ATP1B3: variants seen among roughly 807,000 people sequenced by gnomAD.
ATP1B3 encodes sodium/potassium-transporting ATPase subunit beta-3.
Under a neutral mutation model 30.2 loss-of-function variants are expected in ATP1B3, and 10 were observed. That is an observed-to-expected ratio of 0.33 (90% CI 0.20 to 0.56). The LOEUF is 0.56. ATP1B3 is among the 20% of genes least tolerant of loss of function. The probability of loss-of-function intolerance (pLI) is 0.90; values close to 1 mark genes in which losing one functional copy is unlikely to be tolerated. For synonymous variants in ATP1B3, 113 were observed against 117.0 expected, an observed-to-expected ratio of 0.97 and a Z score of 0.22; for missense variants, 238 against 336.7, an observed-to-expected ratio of 0.71 and a Z score of 2.29.
At chr3:141,912,605 T>C (rs903865034) in intron 3 of ATP1B3, among the ~76,000 whole-genome samples, 2 of 152,114 alleles carry the variant, frequency 1.3e-5, no homozygotes, top group Admixed American at 1.3e-4. Flanking sequence ...CTGGTACCAA[T>C]TGCACCCACA....
At chr3:141,888,844 C>T (rs1037263497) in intron 1 of ATP1B3, among the ~76,000 whole-genome samples, 1 of 152,156 alleles carries the variant, frequency 6.6e-6, no homozygotes, top group African/African-American at 2.4e-5. Context: ...CTTTGCTTCT[C>T]ATTCACCTTC....
chr3:141,904,287 TTTTG>T (rs1349191387), intron 2 of ATP1B3, among the ~76,000 whole-genome samples: 10 of 151,126 alleles, frequency 6.6e-5, no homozygotes, highest in East Asian at 1.9e-4. Flanking sequence ...AGTGGGTTTG[TTTTG>T]TTTGTTTCGG....
At chr3:141,901,280 T>G in intron 1 of ATP1B3, among the ~76,000 whole-genome samples, 1 of 152,174 alleles carries the variant, frequency 6.6e-6, no homozygotes, top group East Asian at 1.9e-4. Flanking sequence ...ACGCCGCCAT[T>G]TAGAGCCCCA....
chr3:141,905,696 G>T (rs1934252223), intron 2 of ATP1B3, among the ~76,000 whole-genome samples: 2 of 151,936 alleles, frequency 1.3e-5, no homozygotes, highest in Non-Finnish European at 2.9e-5. Flanking sequence ...TTGTAGCACT[G>T]TTTTTTTCTA....
rs370458161 is a variant in ATP1B3 at position 141,903,683 on chromosome 3, T to C, written c.173T>C (p.Met58Thr). ...GFLAALFSFT[M>T]WVMLQTLNDE... Reference sequence around the variant, plus strand: ...CTGGCTGCACTCTTCTCATTCACGATGTGGGTTATGCTTCAGACTCTCAAC... The same window carrying C: ...CTGGCTGCACTCTTCTCATTCACGACGTGGGTTATGCTTCAGACTCTCAAC... The change falls in exon 2 of 7, where the codon ATG becomes ACG. Residue 58 changes from methionine (M) to threonine (T), a missense_variant. Transcript: ENST00000286371. 12 of 1,614,160 alleles carry C rather than the reference T, an allele frequency of 7.4e-6. No individual in the cohort carries two copies. Among genetic ancestry groups the C allele is most frequent in the Non-Finnish European group, 9.3e-6 (11 of 1,179,994 alleles).
chr3:141,885,880 A>AACACACACACACACAC (rs146684460), intron 1 of ATP1B3, among the ~76,000 whole-genome samples: 1 of 141,634 alleles, frequency 7.1e-6, no homozygotes, highest in Non-Finnish European at 1.5e-5. Context: ...GCTGCGTTAA[A>AACACACACACACACAC]ACACACACAC....
intron 5 of ATP1B3, among the ~76,000 whole-genome samples, chr3:141,920,191 G>A (rs1275445313): frequency 6.6e-6 from 1 of 152,100 alleles, no homozygotes; most frequent in Non-Finnish European, 1.5e-5. Flanking sequence ...CTGAGCCCCA[G>A]TGCCCTGCTC....
At chr3:141,923,350 G>C (rs567441408) in intron 6 of ATP1B3, among the ~76,000 whole-genome samples, 2 of 151,992 alleles carry the variant, frequency 1.3e-5, no homozygotes, top group African/African-American at 4.8e-5. Flanking sequence ...ATAAGAAGAG[G>C]AAGAGAGACC....
rs1285993484 is a variant in ATP1B3, at chr3:141,882,078, T to A, written c.109+5168T>A. Among the ~76,000 whole-genome samples, 8 of 152,280 alleles carry A rather than the reference T, an allele frequency of 5.3e-5. No homozygotes were observed. In the East Asian group the frequency reaches 1.5e-3, roughly 29 times the overall value. ...ATTTCTTTGAAATTGACTTTTGGAT[T>A]TATATCTATACAATTAAACTAGTTG... On this transcript the variant is annotated intron_variant, in intron 1 of 6. Coordinates refer to ENST00000286371, the MANE Select transcript of ATP1B3 (RefSeq NM_001679.4).
chr3:141,903,676 T>C lies in ATP1B3; in HGVS notation c.166T>C (p.Phe56Leu), dbSNP rs1319861745. 3.1e-6 allele frequency: 5 copies of C among 1,614,148 alleles called. No homozygotes were observed. The highest frequency in any genetic ancestry group is 4.2e-6 in the Non-Finnish European group (5 of 1,179,982). ...FYGFLAALFS[F>L]TMWVMLQTLN... is the part of the protein sequence containing the mutation. ...TGGGTTCCTGGCTGCACTCTTCTCATTCACGATGTGGGTTATGCTTCAGAC... is the reference window on the plus strand; with the variant it reads ...TGGGTTCCTGGCTGCACTCTTCTCACTCACGATGTGGGTTATGCTTCAGAC... Residue 56 changes from phenylalanine to leucine, a missense_variant, in exon 2 of 7, where the codon TTC (phenylalanine) becomes CTC (leucine). By Grantham distance (22) the Phe-to-Leu change is conservative. Transcript: ENST00000286371.
In ATP1B3 at chr3:141,909,328, G is replaced by T. The variant is rs922766324; in HGVS notation, c.346+2054G>T. On this transcript the variant is annotated intron_variant, in intron 3 of 6. Transcript: ENST00000286371. Reference sequence around the variant, plus strand: ...TTTTTGAGGGCCTGCTTTGTGGCAGGCACTCATTTGGGTTCCAGCAATGAA... The same window carrying T: ...TTTTTGAGGGCCTGCTTTGTGGCAGTCACTCATTTGGGTTCCAGCAATGAA... 2.0e-5 allele frequency among the ~76,000 whole-genome samples: 3 copies of T among 152,182 alleles called. No homozygotes were observed. In the East Asian group the frequency reaches 5.8e-4, roughly 29 times the overall value.
At chr3:141,924,730 A>G (rs1397795314) in intron 6 of ATP1B3, among the ~76,000 whole-genome samples, 1 of 152,010 alleles carries the variant, frequency 6.6e-6, no homozygotes, top group East Asian at 2.0e-4. Context: ...GCCAAGGTGG[A>G]CAGATCACGA....
At chr3:141,912,152 T>C (rs1934374231) in intron 3 of ATP1B3, among the ~76,000 whole-genome samples, 1 of 152,228 alleles carries the variant, frequency 6.6e-6, no homozygotes, top group Non-Finnish European at 1.5e-5. Context: ...AGTCCCACAG[T>C]AACCTAGTTT....
intron 1 of ATP1B3, among the ~76,000 whole-genome samples, chr3:141,887,090 A>G (rs1034337807): frequency 2.0e-5 from 3 of 152,246 alleles, no homozygotes; most frequent in Non-Finnish European, 4.4e-5. Context: ...ATGCTTTAGA[A>G]TGGGAGGCAG....
At chr3:141,915,485 C>T (rs1274373397) in intron 4 of ATP1B3, among the ~76,000 whole-genome samples, 1 of 152,140 alleles carries the variant, frequency 6.6e-6, no homozygotes. Context: ...TAGGGCTCTC[C>T]CAGTGTGTGC....
In ATP1B3 at chr3:141,876,842, C is replaced by G. The variant is rs777246034; in HGVS notation, c.41C>G (p.Ala14Gly). The G allele has an allele frequency of 6.3e-7, 1 of 1,587,050 alleles. No homozygotes were observed. Among genetic ancestry groups the G allele is most frequent in the Admixed American group, 1.7e-5 (1 of 58,144 alleles). The part of the protein sequence containing the change: ...NEKKSLNQSL[A>G]EWKLFIYNPT... ...AAGAAGTCCCTCAACCAGAGCCTGG[C>G]CGAGTGGAAGCTCTTCATCTACAAC... Residue 14 changes from alanine to glycine, a missense_variant, in exon 1 of 7, where the codon GCC becomes GGC. Around this residue, in one of 3 missense-constraint regions of ATP1B3, gnomAD observed 130 missense variants for 148.8 expected, o/e 0.87. Transcript: ENST00000286371.
intron 1 of ATP1B3, among the ~76,000 whole-genome samples, chr3:141,901,348 A>G (rs996602261): frequency 1.1e-4 from 17 of 152,234 alleles, no homozygotes; most frequent in Non-Finnish European, 2.4e-4. Context: ...GGGTAAGAGC[A>G]GCAATTTACA....
chr3:141,907,550 A>G (rs1559871015), intron 3 of ATP1B3, among the ~76,000 whole-genome samples: 1 of 152,164 alleles, frequency 6.6e-6, no homozygotes, highest in Non-Finnish European at 1.5e-5. Context: ...CTGAGGCAGA[A>G]TAATCGCTTG....
intron 1 of ATP1B3, among the ~76,000 whole-genome samples, chr3:141,901,243 A>G (rs960111292): frequency 1.3e-5 from 2 of 152,218 alleles, no homozygotes; most frequent in African/African-American, 2.4e-5. Flanking sequence ...AATAGGTTCC[A>G]TGAACACTAT....
Sources: allele counts gnomAD v4.1 joint callset (sites outside exome capture counted in the v4.1 genomes callset), GRCh38; gene constraint gnomAD v4.1.1; regional missense constraint gnomAD v4.1.1; transcripts MANE v1.5; gene names NCBI Gene and HGNC (gene_info 2026-07-23, HGNC 2026-07-21).